The following KIAA1217 variants were observed in gnomAD, a reference collection of about 807,000 sequenced individuals.
The protein encoded by KIAA1217 is sickle tail protein homolog.
KIAA1217 carries 88 observed loss-of-function variants against 163.9 expected under a neutral mutation model. The observed-to-expected ratio is 0.54, with a 90% CI of 0.45 to 0.64. The LOEUF is 0.64. KIAA1217 is among the 30% of genes least tolerant of loss of function. KIAA1217 has a pLI of 0.00. For synonymous variants in KIAA1217, 903 were observed against 923.1 expected, an observed-to-expected ratio of 0.98 and a Z score of 0.39; for missense variants, 2,372 against 2,475.0, an observed-to-expected ratio of 0.96 and a Z score of 0.88.
At chr10:23,793,545 G>A (rs1017563623) in intron 1 of KIAA1217, among the ~76,000 whole-genome samples, 1 of 151,770 alleles carries the variant, frequency 6.6e-6, no homozygotes, top group African/African-American at 2.4e-5. Flanking sequence ...GTCATTCAAT[G>A]AAAATGTAGT....
chr10:24,095,457 T>C (rs1213163639), intron 2 of KIAA1217, among the ~76,000 whole-genome samples: 1 of 152,202 alleles, frequency 6.6e-6, no homozygotes, highest in Non-Finnish European at 1.5e-5. Context: ...CATCCAATAC[T>C]GTGACACCCC....
At chr10:24,005,725 A>C (rs997273711) in intron 1 of KIAA1217, among the ~76,000 whole-genome samples, 2 of 152,146 alleles carry the variant, frequency 1.3e-5, no homozygotes, top group African/African-American at 4.8e-5. Context: ...AGTGATATTC[A>C]ATTTTCAGTA....
chr10:24,189,140 A>G (rs1201299872), intron 2 of KIAA1217, among the ~76,000 whole-genome samples: 3 of 151,700 alleles, frequency 2.0e-5, no homozygotes, highest in African/African-American at 7.3e-5. Flanking sequence ...AGAAAGCTTC[A>G]TATTCCTCAC....
chr10:24,446,080 G>A (rs1425203343), intron 5 of KIAA1217, among the ~76,000 whole-genome samples: 1 of 152,174 alleles, frequency 6.6e-6, no homozygotes, highest in Non-Finnish European at 1.5e-5. Context: ...ATTCTAACTG[G>A]CGTGAGATGG....
At chr10:24,106,304 T>C (rs1238445249) in intron 2 of KIAA1217, among the ~76,000 whole-genome samples, 5 of 152,022 alleles carry the variant, frequency 3.3e-5, no homozygotes, top group African/African-American at 4.8e-5. Flanking sequence ...ACCAATGAGA[T>C]ATAAGTGATC....
chr10:24,321,303 G>A (rs1396907709), intron 2 of KIAA1217, among the ~76,000 whole-genome samples: 5 of 152,070 alleles, frequency 3.3e-5, no homozygotes, highest in Non-Finnish European at 7.4e-5. Flanking sequence ...AGAGGCTAAG[G>A]TGGGCATAAT....
chr10:23,869,488 TG>T (rs1270927752), intron 1 of KIAA1217, among the ~76,000 whole-genome samples: 1 of 152,026 alleles, frequency 6.6e-6, no homozygotes, highest in Non-Finnish European at 1.5e-5. Flanking sequence ...TGACTACAAG[TG>T]GAAAGATCAG....
intron 2 of KIAA1217, among the ~76,000 whole-genome samples, chr10:24,298,872 A>G (rs1285776855): frequency 6.6e-6 from 1 of 152,140 alleles, no homozygotes; most frequent in African/African-American, 2.4e-5. Context: ...CTGAGAGACA[A>G]TCTTGGAGGG....
intron 2 of KIAA1217, among the ~76,000 whole-genome samples, chr10:24,230,988 G>A (rs1287959390): frequency 6.6e-6 from 1 of 152,150 alleles, no homozygotes; most frequent in African/African-American, 2.4e-5. Context: ...TCTGATGGGG[G>A]ATGAAACAGA....
intron 1 of KIAA1217, among the ~76,000 whole-genome samples, chr10:23,737,692 A>G (rs531892358): frequency 6.6e-6 from 1 of 152,316 alleles, no homozygotes; most frequent in South Asian, 2.1e-4. Context: ...TCTGTTTTTC[A>G]TTCTGTTACT....
intron 2 of KIAA1217, among the ~76,000 whole-genome samples, chr10:24,066,358 C>G (rs1470888581): frequency 1.3e-5 from 2 of 152,142 alleles, no homozygotes; most frequent in African/African-American, 4.8e-5. Flanking sequence ...AATCTCTCAG[C>G]ATTTGCTTGT....
At position 24,219,247 on chromosome 10, in the gene KIAA1217, G is replaced by A. The variant is rs114655950; in HGVS notation, c.71-379G>A. Among the ~76,000 whole-genome samples the A allele has an allele frequency of 9.7e-3, 1,475 of 152,134 alleles. 17 individuals are homozygous for A. The highest frequency in any genetic ancestry group is 0.026 in the African/African-American group (1,070 of 41,522). On this transcript the variant is annotated intron_variant, in intron 1 of 20. Coordinates refer to ENST00000376454, the MANE Select transcript of KIAA1217 (RefSeq NM_019590.5). ...TCTTGCCTCAGCCTCCCGAGAAGCTGGGACCACAGGCGTGCACCACTACGC... is the reference window on the plus strand; with the variant it reads ...TCTTGCCTCAGCCTCCCGAGAAGCTAGGACCACAGGCGTGCACCACTACGC...
At chr10:24,086,055 C>A (rs2061689636) in intron 2 of KIAA1217, among the ~76,000 whole-genome samples, 1 of 151,992 alleles carries the variant, frequency 6.6e-6, no homozygotes, top group Non-Finnish European at 1.5e-5. Context: ...CCCCACCACA[C>A]AGAAACACCC....
intron 1 of KIAA1217, among the ~76,000 whole-genome samples, chr10:23,896,215 AT>A (rs1455411885): frequency 6.6e-6 from 1 of 151,964 alleles, no homozygotes; most frequent in Non-Finnish European, 1.5e-5. Context: ...TTCTTACTCT[AT>A]TTTTTAATTT....
chr10:23,987,086 C>T (rs1310039653), intron 1 of KIAA1217, among the ~76,000 whole-genome samples: 3 of 151,842 alleles, frequency 2.0e-5, no homozygotes, highest in Non-Finnish European at 2.9e-5. Context: ...TTTCCAAAAA[C>T]GTAAAAAAGG....
At chr10:23,969,726 T>G (rs1034423293) in intron 1 of KIAA1217, among the ~76,000 whole-genome samples, 4 of 152,242 alleles carry the variant, frequency 2.6e-5, no homozygotes, top group African/African-American at 9.6e-5. Flanking sequence ...TCTTATTCTA[T>G]GGATTGTCTT....
chr10:23,918,619 C>T (rs750022841), intron 1 of KIAA1217, among the ~76,000 whole-genome samples: 6 of 152,082 alleles, frequency 3.9e-5, no homozygotes, highest in Non-Finnish European at 7.4e-5. Context: ...CTGTTACCAG[C>T]TCCTGCTAAG....
chr10:24,093,206 T>C (rs770357907), intron 2 of KIAA1217, among the ~76,000 whole-genome samples: 1 of 151,552 alleles, frequency 6.6e-6, no homozygotes, highest in African/African-American at 2.4e-5. Flanking sequence ...GTTTTACTCT[T>C]GTTGCCTAAG....
chr10:24,069,203 A>T (rs181300977), intron 2 of KIAA1217, among the ~76,000 whole-genome samples: 1 of 152,180 alleles, frequency 6.6e-6, no homozygotes, highest in Non-Finnish European at 1.5e-5. Flanking sequence ...CCCCAACAGT[A>T]CTGCAGTACA....
Sources: allele counts gnomAD v4.1 joint callset (sites outside exome capture counted in the v4.1 genomes callset), GRCh38; gene constraint gnomAD v4.1.1; transcripts MANE v1.5; gene names NCBI Gene and HGNC (gene_info 2026-07-23, HGNC 2026-07-21).